TMEM38A: variants seen among roughly 807,000 people sequenced by gnomAD.
TMEM38A encodes trimeric intracellular cation channel type A.
A neutral mutation model predicts 28.6 loss-of-function variants in TMEM38A; 17 were observed. The observed-to-expected ratio is 0.60, with a 90% CI of 0.41 to 0.89. TMEM38A has a LOEUF of 0.89. Ranked by LOEUF, TMEM38A falls within the 40% of genes least tolerant of loss-of-function variation. The pLI, the probability that TMEM38A is intolerant of heterozygous loss-of-function variation, is 0.00. For missense variants in TMEM38A, 328 were observed against 393.1 expected (o/e 0.83, Z 1.40); for synonymous variants, 169 against 166.1 (o/e 1.02, Z -0.14).
At chr19:16,669,361 C>T (rs1429569762) in intron 1 of TMEM38A, among the ~76,000 whole-genome samples, 3 of 151,630 alleles carry the variant, frequency 2.0e-5, no homozygotes, top group East Asian at 1.9e-4. Flanking sequence ...TGCCCGCCAC[C>T]ATGCCCAGCT....
chr19:16,669,790 G>C (rs984468421), intron 1 of TMEM38A, among the ~76,000 whole-genome samples: 27 of 152,060 alleles, frequency 1.8e-4, no homozygotes, highest in African/African-American at 6.3e-4. Context: ...CACAGTGCTA[G>C]AGTGCCCTGG....
At chr19:16,671,568 G>T (rs1435631487) in intron 1 of TMEM38A, among the ~76,000 whole-genome samples, 1 of 151,966 alleles carries the variant, frequency 6.6e-6, no homozygotes, top group Non-Finnish European at 1.5e-5. Context: ...GCAGTCACTT[G>T]CCCAAGGCCA....
chr19:16,675,994 T>A (rs772965452), intron 1 of TMEM38A, among the ~76,000 whole-genome samples: 2 of 152,128 alleles, frequency 1.3e-5, no homozygotes, highest in African/African-American at 2.4e-5. Context: ...CAACAGACAC[T>A]CTTTCTCTTC....
At chr19:16,674,903 A>G (rs76335303) in intron 1 of TMEM38A, among the ~76,000 whole-genome samples, 3,141 of 152,254 alleles carry the variant, frequency 0.021, 62 homozygotes, top group Non-Finnish European at 0.029. Context: ...TGTCCAACAC[A>G]GCCCCCATTC....
At chr19:16,672,606 G>A (rs750244266) in intron 1 of TMEM38A, among the ~76,000 whole-genome samples, 17 of 151,718 alleles carry the variant, frequency 1.1e-4, no homozygotes, top group Non-Finnish European at 2.2e-4. Context: ...ATGCCACCAC[G>A]CCCGGCTACT....
Position 16,682,446 on chromosome 19 carries a change from C to A in TMEM38A, c.492C>A (p.Asn164Lys). Reference sequence around the variant, plus strand: ...GTTCTGGTGTCGCCCTCATGTCCAACTTTGAGCAGCTGCTCCGAGGGGTCT... The same window carrying A: ...GTTCTGGTGTCGCCCTCATGTCCAAATTTGAGCAGCTGCTCCGAGGGGTCT... ...VKGSGVALMS[N>K]FEQLLRGVWK... is the part of the protein sequence containing the mutation. The change falls in exon 4 of 6, where the codon AAC (asparagine) becomes AAA (lysine). Residue 164 changes from asparagine to lysine, a missense_variant. Transcript: ENST00000187762. The A allele has an allele frequency of 6.2e-7, 1 of 1,614,052 alleles. No homozygotes were observed. Among genetic ancestry groups the A allele is most frequent in the Non-Finnish European group, 8.5e-7 (1 of 1,180,008 alleles).
chr19:16,686,725 T>G (rs566976190), intron 5 of TMEM38A, among the ~76,000 whole-genome samples: 1 of 152,098 alleles, frequency 6.6e-6, no homozygotes, highest in Non-Finnish European at 1.5e-5. Flanking sequence ...AGGAACTCAG[T>G]TGGACCAGGA....
chr19:16,686,609 G>A (rs1279362207), intron 5 of TMEM38A, among the ~76,000 whole-genome samples: 2 of 152,040 alleles, frequency 1.3e-5, no homozygotes, highest in Admixed American at 6.6e-5. Flanking sequence ...AGAGGAACAG[G>A]CCTTCTGTGT....
At chr19:16,662,436 CT>C (rs35226829) in intron 1 of TMEM38A, among the ~76,000 whole-genome samples, 5,561 of 75,860 alleles carry the variant, frequency 0.073, 66 homozygotes, top group East Asian at 0.21. Context: ...TAAATGCACG[CT>C]TTTTTTTTTT....
chr19:16,669,092 A>T (rs1212182148), intron 1 of TMEM38A, among the ~76,000 whole-genome samples: 1 of 151,852 alleles, frequency 6.6e-6, no homozygotes. Flanking sequence ...GGCCTCCCAA[A>T]GTGTTGGGAT....
chr19:16,674,826 C>A (rs1430830571), intron 1 of TMEM38A, among the ~76,000 whole-genome samples: 5 of 150,856 alleles, frequency 3.3e-5, no homozygotes, highest in Non-Finnish European at 5.9e-5. Context: ...CAAAAAAAAA[C>A]CAGGACCCAG....
intron 1 of TMEM38A, among the ~76,000 whole-genome samples, chr19:16,664,846 C>T (rs2086696396): frequency 6.7e-6 from 1 of 150,120 alleles, no homozygotes; most frequent in African/African-American, 2.5e-5. Context: ...CAGAGCAAGA[C>T]CGTGTCTCCT....
chr19:16,674,923 G>A (rs2086743792), intron 1 of TMEM38A, among the ~76,000 whole-genome samples: 1 of 152,162 alleles, frequency 6.6e-6, no homozygotes, highest in Non-Finnish European at 1.5e-5. Flanking sequence ...CAGTGGCAGA[G>A]AAGGCCTCCG....
chr19:16,688,401 ACC>A lies in TMEM38A; in HGVS notation c.*32_*33del. 1 of 1,501,370 alleles carries A rather than the reference ACC, an allele frequency of 6.7e-7. No individual in the cohort carries two copies. The highest frequency in any genetic ancestry group is 1.3e-5 in the South Asian group (1 of 77,360). The allele number at this position is 1,501,370 out of a possible 1,614,324, so 93.0% of individuals were successfully genotyped here. A position where few individuals can be genotyped will look rare whatever the true frequency, so the allele number is the denominator to read the frequency against. Reference sequence around the variant, plus strand: ...TGGCCCAAGGGGCACCGGGGAGAGGACCCGGACCCAGGACCCTCTGAGCTGGG... The same window carrying A: ...TGGCCCAAGGGGCACCGGGGAGAGGACGGACCCAGGACCCTCTGAGCTGGG... On this transcript the variant is annotated 3_prime_UTR_variant, in exon 6 of 6. Coordinates refer to ENST00000187762, the MANE Select transcript of TMEM38A (RefSeq NM_024074.4).
At chr19:16,665,918 C>T (rs975686744) in intron 1 of TMEM38A, among the ~76,000 whole-genome samples, 1 of 151,718 alleles carries the variant, frequency 6.6e-6, no homozygotes, top group Non-Finnish European at 1.5e-5. Flanking sequence ...AAGTGATTCT[C>T]CTGCCTTAGC....
chr19:16,670,930 C>T (rs2086724618), intron 1 of TMEM38A, among the ~76,000 whole-genome samples: 1 of 151,954 alleles, frequency 6.6e-6, no homozygotes. Flanking sequence ...CAGAGCAAGA[C>T]CCCATCTCAA....
chr19:16,688,477 C>T lies in TMEM38A; in HGVS notation c.*106C>T, dbSNP rs1487436446. On this transcript the variant is annotated 3_prime_UTR_variant, in exon 6 of 6. Transcript: ENST00000187762. ...CCTTTCCTGGCCTTGACTTCCCCAT[C>T]TGCAAATCAGGGTCATTGGCTCACC... The T allele has an allele frequency of 1.1e-6, 1 of 937,714 alleles. No homozygotes were observed. The highest frequency in any genetic ancestry group is 2.4e-5 in the South Asian group (1 of 42,444). The allele number at this position is 937,714 out of a possible 1,614,324, so 58.1% of individuals were successfully genotyped here. A position where few individuals can be genotyped will look rare whatever the true frequency, so the allele number is the denominator to read the frequency against.
In TMEM38A at chr19:16,688,270, A is replaced by G. The variant is rs770967436; in HGVS notation, c.799A>G (p.Ser267Gly). ...CCACGACAACCATGGTGGGTCCCAC[A>G]GCGGTGGTGGGCCAGGAGCTCAGCA... ...HHHDNHGGSHSGGGPGAQHSA... is the reference protein window; with the variant it reads ...HHHDNHGGSHGGGGPGAQHSA... Residue 267 changes from serine (S) to glycine (G), a missense_variant, in exon 6 of 6, where the codon AGC (serine) becomes GGC (glycine). Physicochemically the swap from Ser to Gly is moderately conservative, Grantham distance 56. Transcript: ENST00000187762. 4.4e-6 allele frequency: 7 copies of G among 1,607,662 alleles called. No individual in the cohort carries two copies. In the South Asian group the frequency reaches 7.8e-5, roughly 18 times the overall value.
intron 1 of TMEM38A, among the ~76,000 whole-genome samples, chr19:16,664,867 T>A (rs1488291506): frequency 6.8e-5 from 10 of 147,216 alleles, no homozygotes; most frequent in Non-Finnish European, 1.4e-4. Context: ...AAAAAAATAA[T>A]AATAATAATA....
Sources: allele counts gnomAD v4.1 joint callset (sites outside exome capture counted in the v4.1 genomes callset), GRCh38; gene constraint gnomAD v4.1.1; transcripts MANE v1.5; gene names NCBI Gene and HGNC (gene_info 2026-07-23, HGNC 2026-07-21).